The following ACOXL variants were observed in gnomAD, a reference collection of about 807,000 sequenced individuals.
ACOXL encodes acyl-CoA oxidase like.
In ACOXL, 70 loss-of-function variants were observed where a neutral mutation model predicts 71.9. The observed-to-expected ratio is 0.97, with a 90% confidence interval of 0.80 to 1.19. The LOEUF (loss-of-function observed/expected upper bound fraction) is 1.19. Among genes scored for constraint, ACOXL ranks in the 50% most tolerant of loss-of-function variants. The probability of loss-of-function intolerance (pLI) is 0.00; values close to 1 mark genes in which losing one functional copy is unlikely to be tolerated. For missense variants in ACOXL, 703 were observed against 736.3 expected, an observed-to-expected ratio of 0.95 and a Z score of 0.52; for synonymous variants, 253 against 281.6, an observed-to-expected ratio of 0.90 and a Z score of 1.02.
intron 16 of ACOXL, among the ~76,000 whole-genome samples, chr2:111,090,812 T>G (rs1241391182): frequency 6.6e-6 from 1 of 152,240 alleles, no homozygotes; most frequent in East Asian, 1.9e-4. Context: ...TGACTTGTGA[T>G]AGATGTCTTC....
At chr2:111,026,201 C>T (rs2065009780) in intron 14 of ACOXL, among the ~76,000 whole-genome samples, 1 of 152,162 alleles carries the variant, frequency 6.6e-6, no homozygotes, top group South Asian at 2.1e-4. Context: ...AGTGTGAATC[C>T]TCCAATGCTT....
chr2:111,021,525 C>T (rs1403789833), intron 14 of ACOXL, among the ~76,000 whole-genome samples: 2 of 152,172 alleles, frequency 1.3e-5, no homozygotes, highest in Admixed American at 6.5e-5. Flanking sequence ...GAGCCGCTGG[C>T]TACTGGGCCC....
chr2:110,781,417 G>A (rs1038571377), intron 2 of ACOXL, among the ~76,000 whole-genome samples: 11 of 151,752 alleles, frequency 7.2e-5, no homozygotes, highest in Admixed American at 3.9e-4. Flanking sequence ...GGAGGCGGGC[G>A]GATCATGAGG....
At chr2:110,736,275 A>G (rs1261475254) in intron 1 of ACOXL, among the ~76,000 whole-genome samples, 1 of 152,228 alleles carries the variant, frequency 6.6e-6, no homozygotes. Context: ...TGTACAACTC[A>G]GTGGCATTAA....
intron 16 of ACOXL, among the ~76,000 whole-genome samples, chr2:111,068,770 C>G (rs950346660): frequency 2.6e-5 from 4 of 152,228 alleles, no homozygotes; most frequent in Admixed American, 1.3e-4. Flanking sequence ...ACCACTAATG[C>G]AGGCTTCCTC....
At chr2:110,942,495 G>T (rs956206585) in intron 12 of ACOXL, among the ~76,000 whole-genome samples, 1 of 152,136 alleles carries the variant, frequency 6.6e-6, no homozygotes, top group East Asian at 1.9e-4. Context: ...ATGACCAGGG[G>T]CCTGTTCCTC....
intron 1 of ACOXL, among the ~76,000 whole-genome samples, chr2:110,761,660 G>T (rs1680419597): frequency 1.3e-5 from 2 of 152,196 alleles, no homozygotes; most frequent in Non-Finnish European, 2.9e-5. Flanking sequence ...CATACTGCCA[G>T]TTGCTGATGG....
chr2:111,092,048 T>C (rs960177167), intron 16 of ACOXL, among the ~76,000 whole-genome samples: 1 of 152,224 alleles, frequency 6.6e-6, no homozygotes, highest in Admixed American at 6.5e-5. Flanking sequence ...TTACTTCTAA[T>C]GTGTCATTAT....
chr2:111,046,416 A>T lies in ACOXL; in HGVS notation c.1370-2802A>T, dbSNP rs537752009. On this transcript the variant is annotated intron_variant, in intron 15 of 17. Transcript: ENST00000439055. ...TATATTAGTTCTTTCTCATGCTGCT[A>T]ATAAAGACATACCCAAGACTGGGTA... Among the ~76,000 whole-genome samples, 7 of 152,276 alleles carry T rather than the reference A, an allele frequency of 4.6e-5. No homozygotes were observed. In the East Asian group the frequency reaches 1.2e-3, roughly 25 times the overall value.
chr2:111,033,671 A>G (rs1442180607), intron 15 of ACOXL, among the ~76,000 whole-genome samples: 1 of 152,144 alleles, frequency 6.6e-6, no homozygotes, highest in African/African-American at 2.4e-5. Context: ...ATTTCTTCAG[A>G]TTTGCCGATC....
chr2:111,044,343 G>A (rs1456356704), intron 15 of ACOXL, among the ~76,000 whole-genome samples: 5 of 152,352 alleles, frequency 3.3e-5, no homozygotes, highest in Middle Eastern at 3.4e-3. Flanking sequence ...CAGAAAAGAG[G>A]CTTAAGGTAT....
At chr2:110,974,640 A>T (rs1178133929) in intron 12 of ACOXL, among the ~76,000 whole-genome samples, 4 of 152,222 alleles carry the variant, frequency 2.6e-5, no homozygotes, top group Non-Finnish European at 2.9e-5. Context: ...GATATGCAAA[A>T]ATGCAGATGA....
chr2:110,760,056 C>T (rs1408091968), intron 1 of ACOXL, among the ~76,000 whole-genome samples: 1 of 151,520 alleles, frequency 6.6e-6, no homozygotes, highest in Non-Finnish European at 1.5e-5. Flanking sequence ...ATCCTGCTAA[C>T]TCTTATTTTT....
At chr2:110,787,690 T>C (rs1430016985) in intron 3 of ACOXL, among the ~76,000 whole-genome samples, 1 of 152,192 alleles carries the variant, frequency 6.6e-6, no homozygotes, top group Non-Finnish European at 1.5e-5. Context: ...CCTGGTCACA[T>C]CTGTTCCACT....
At chr2:110,958,526 A>G (rs564917761) in intron 12 of ACOXL, among the ~76,000 whole-genome samples, 6 of 152,320 alleles carry the variant, frequency 3.9e-5, no homozygotes, top group Admixed American at 3.3e-4. Flanking sequence ...CTCCAAATGG[A>G]CACAGAAGCT....
intron 5 of ACOXL, among the ~76,000 whole-genome samples, chr2:110,796,950 A>G (rs1403363353): frequency 6.6e-6 from 1 of 152,224 alleles, no homozygotes. Context: ...TGCACGATCA[A>G]TAGCTTGTTG....
At chr2:110,845,176 G>A (rs557206704) in intron 10 of ACOXL, among the ~76,000 whole-genome samples, 2 of 152,320 alleles carry the variant, frequency 1.3e-5, no homozygotes, top group Admixed American at 6.5e-5. Flanking sequence ...AGGTTCAGTT[G>A]TCTGGTGAGG....
chr2:111,096,121 A>C (rs781528859), intron 17 of ACOXL, among the ~76,000 whole-genome samples: 33 of 152,166 alleles, frequency 2.2e-4, no homozygotes, highest in Non-Finnish European at 1.8e-4. Flanking sequence ...TTTTCACATG[A>C]TAGCTCTCCA....
At chr2:110,979,806 G>A (rs1047891647) in intron 12 of ACOXL, among the ~76,000 whole-genome samples, 1 of 152,194 alleles carries the variant, frequency 6.6e-6, no homozygotes, top group Admixed American at 6.5e-5. Context: ...GAGGGCCTTT[G>A]CCCCTTTCCA....
Sources: gnomAD v4.1 joint callset for allele counts (sites outside exome capture counted in the v4.1 genomes callset) on GRCh38, gnomAD v4.1.1 for gene constraint, MANE v1.5 for transcripts, NCBI Gene and HGNC (gene_info 2026-07-23, HGNC 2026-07-21) for gene names.